The following TRAF3IP1 variants were observed in gnomAD, a reference collection of about 807,000 sequenced individuals.
TRAF3IP1 encodes intraflagellar transport 54, also known as TRAF3-interacting protein 1.
TRAF3IP1 carries 53 observed loss-of-function variants against 89.9 expected under a neutral mutation model. The observed-to-expected ratio is 0.59, with a 90% CI of 0.47 to 0.74. TRAF3IP1 has a LOEUF of 0.74. Among genes scored for constraint, TRAF3IP1 ranks in the 30% least tolerant of loss-of-function variants. The pLI, the probability that TRAF3IP1 is intolerant of heterozygous loss-of-function variation, is 0.00. For synonymous variants in TRAF3IP1, 311 were observed against 322.1 expected (o/e 0.97, Z 0.37); for missense variants, 806 against 866.1 (o/e 0.93, Z 0.87).
At chr2:238,349,453 T>G (rs1559369722) in intron 12 of TRAF3IP1, 45 bp downstream of exon 12, 1 of 1,583,652 alleles carries the variant, frequency 6.3e-7, no homozygotes, top group Admixed American at 1.7e-5. Context: ...CAGTGTGTTC[T>G]CCAGTGGGCA....
At chr2:238,331,537 C>G (rs1698125255) in intron 5 of TRAF3IP1, among the ~76,000 whole-genome samples, 1 of 152,086 alleles carries the variant, frequency 6.6e-6, no homozygotes, top group African/African-American at 2.4e-5. Flanking sequence ...ATATCAGAGC[C>G]AAGTATAATG....
intron 15 of TRAF3IP1, among the ~76,000 whole-genome samples, chr2:238,396,963 C>T (rs995130004): frequency 1.1e-4 from 16 of 152,322 alleles, no homozygotes; most frequent in Non-Finnish European, 1.9e-4. Context: ...GTTTCTGCCT[C>T]TCCTTTGGGT....
chr2:238,386,516 T>G (rs1700780206), intron 15 of TRAF3IP1, among the ~76,000 whole-genome samples: 3 of 152,138 alleles, frequency 2.0e-5, no homozygotes, highest in Admixed American at 6.5e-5. Context: ...TTTCACCATG[T>G]TGACCAGGCT....
At chr2:238,392,763 A>G (rs1391295258) in intron 15 of TRAF3IP1, among the ~76,000 whole-genome samples, 1 of 152,088 alleles carries the variant, frequency 6.6e-6, no homozygotes, top group Non-Finnish European at 1.5e-5. Flanking sequence ...TTTAGTATAG[A>G]TGGGGTTTTG....
rs985242912 is a variant in TRAF3IP1, at chr2:238,329,052, G to C, written c.625G>C (p.Gly209Arg). The C allele has an allele frequency of 1.3e-6, 2 of 1,551,562 alleles. No individual in the cohort carries two copies. ...CAAGGAGAAGGCCAAGGAGAATGGC[G>C]GAAACAGACACAGAGAAGGGGAGAG... ...KDKEKAKENG[G>R]NRHREGERER... is the part of the protein sequence containing the mutation. Residue 209 changes from glycine (G) to arginine (R), a missense_variant, in exon 5 of 17, where the codon GGA becomes CGA. This residue lies in a region of TRAF3IP1 where 732 missense variants were observed against 780.5 expected (regional missense o/e 0.94). Transcript: ENST00000373327.
Position 238,338,470 on chromosome 2 carries a change from T to C in TRAF3IP1, c.1159+13T>C, listed in dbSNP as rs1268056025. ...ACATCAGAAATAGGTAAGAAAAATA[T>C]ATTCTTTAGTTTAAATTCCTCACCA... On this transcript the variant is annotated intron_variant, in intron 8 of 16. Transcript: ENST00000373327. 2.1e-6 allele frequency: 3 copies of C among 1,434,630 alleles called. No homozygotes were observed. The highest frequency in any genetic ancestry group is 2.9e-6 in the Non-Finnish European group (3 of 1,037,550). 88.9% of individuals were successfully genotyped at this position (1,434,630 alleles called of 1,614,324 possible).
chr2:238,329,120 G>A lies in TRAF3IP1; in HGVS notation c.693G>A (p.Gln231=). The A allele has an allele frequency of 1.3e-6, 2 of 1,550,954 alleles. No homozygotes were observed. The highest frequency in any genetic ancestry group is 1.2e-5 in the South Asian group (1 of 84,044). ...GGGCCAGGCCAGACAACGAGCGACA[G>A]AAAGACAGAGGCAACAGGGAGCGGG... ...KARARPDNER[Q]KDRGNRERDR... The change falls in exon 5 of 17, where the codon CAG becomes CAA. Residue 231 remains glutamine (Q), a synonymous_variant. Transcript: ENST00000373327.
chr2:238,346,054 T>G (rs1698879430), intron 9 of TRAF3IP1, among the ~76,000 whole-genome samples: 1 of 152,098 alleles, frequency 6.6e-6, no homozygotes, highest in African/African-American at 2.4e-5. Flanking sequence ...CAGGGTCTGT[T>G]CCTAACACCC....
At chr2:238,385,176 C>T (rs185965252) in intron 15 of TRAF3IP1, among the ~76,000 whole-genome samples, 31 of 152,046 alleles carry the variant, frequency 2.0e-4, no homozygotes, top group African/African-American at 5.1e-4. Context: ...CCACCACGCC[C>T]GGCTAATTTT....
At chr2:238,375,029 T>A (rs1372577492) in intron 15 of TRAF3IP1, among the ~76,000 whole-genome samples, 1 of 152,226 alleles carries the variant, frequency 6.6e-6, no homozygotes, top group Non-Finnish European at 1.5e-5. Context: ...TTTTCTTCTT[T>A]ATTAGTCTTG....
chr2:238,348,760 T>G lies in TRAF3IP1; in HGVS notation c.1283-4T>G. ...GAATTGCTAATTGATTGTCATTTGT[T>G]TAGAAGGAGATGCTGGACCTGCTGG... On this transcript the variant is annotated splice_polypyrimidine_tract_variant and splice_region_variant and intron_variant, in intron 10 of 16. Coordinates refer to ENST00000373327, the MANE Select transcript of TRAF3IP1 (RefSeq NM_015650.4). 1 of 1,613,758 alleles carries G rather than the reference T, an allele frequency of 6.2e-7. No homozygotes were observed.
At chr2:238,381,111 G>GT (rs34082601) in intron 15 of TRAF3IP1, among the ~76,000 whole-genome samples, 30,516 of 136,662 alleles carry the variant, frequency 0.22, 3,843 homozygotes, top group South Asian at 0.29. Context: ...GGATGCTTGG[G>GT]TTTTTTTTTT....
At position 238,345,445 on chromosome 2, in the gene TRAF3IP1, G is replaced by A. The variant is rs191655368; in HGVS notation, c.1261+847G>A. ...TAAACCAAGATCCCGGCTGGGATGC[G>A]ACTGCAGCAGGGCTGGCTCAGCCCA... On this transcript the variant is annotated intron_variant, in intron 9 of 16. Coordinates refer to ENST00000373327, the MANE Select transcript of TRAF3IP1 (RefSeq NM_015650.4). This position sits in a 1 kb window ranked among gnomAD's most constrained non-coding sequence, Gnocchi z 4.7. Among the ~76,000 whole-genome samples the A allele has an allele frequency of 2.0e-5, 3 of 152,220 alleles. No homozygotes were observed. The highest frequency in any genetic ancestry group is 1.9e-4 in the East Asian group (1 of 5,198).
chr2:238,353,799 A>G (rs1699284026), intron 14 of TRAF3IP1, among the ~76,000 whole-genome samples: 1 of 151,766 alleles, frequency 6.6e-6, no homozygotes, highest in Non-Finnish European at 1.5e-5. Flanking sequence ...TTTGAGGCGG[A>G]GTCTTGCCCT....
At chr2:238,322,197 G>C (rs1697584957) in intron 1 of TRAF3IP1, among the ~76,000 whole-genome samples, 1 of 152,270 alleles carries the variant, frequency 6.6e-6, no homozygotes, top group Non-Finnish European at 1.5e-5. Context: ...ACAAGAGCCA[G>C]TGTGAGCCCA....
chr2:238,356,049 A>G lies in TRAF3IP1; in HGVS notation c.1658A>G (p.Lys553Arg), dbSNP rs988109528. 1.2e-6 allele frequency: 2 copies of G among 1,613,892 alleles called. No individual in the cohort carries two copies. Among genetic ancestry groups the G allele is most frequent in the Non-Finnish European group, 1.7e-6 (2 of 1,179,778 alleles). ...KILETKKDYEKLQQSPKPGEK... is the reference protein window; with the variant it reads ...KILETKKDYERLQQSPKPGEK... ...TTGGAGACGAAGAAAGATTATGAGA[A>G]ATTGCAGCAGTCACCCAAACCTGGG... Residue 553 changes from lysine (K) to arginine (R), a missense_variant, in exon 15 of 17, where the codon AAA becomes AGA. Transcript: ENST00000373327.
chr2:238,350,973 G>A (rs1245150067), intron 12 of TRAF3IP1, among the ~76,000 whole-genome samples: 1 of 152,116 alleles, frequency 6.6e-6, no homozygotes, highest in Non-Finnish European at 1.5e-5. Flanking sequence ...AGGAGCCCTC[G>A]GGGTGAAGGT....
chr2:238,342,735 T>C (rs907235725), intron 8 of TRAF3IP1, among the ~76,000 whole-genome samples: 27 of 152,356 alleles, frequency 1.8e-4, no homozygotes, highest in African/African-American at 6.3e-4. Context: ...ATTCTCTGGT[T>C]ACCCTGAGTA....
chr2:238,380,207 G>A (rs751107341), intron 15 of TRAF3IP1, among the ~76,000 whole-genome samples: 1 of 152,188 alleles, frequency 6.6e-6, no homozygotes, highest in Non-Finnish European at 1.5e-5. Context: ...GGCGCTGGGT[G>A]TAAAATTGCT....
Sources: gnomAD v4.1 joint callset for allele counts (sites outside exome capture counted in the v4.1 genomes callset) on GRCh38, gnomAD v4.1.1 for gene constraint, gnomAD v4.1.1 regional missense constraint, Gnocchi (gnomAD v3.1) non-coding constraint, MANE v1.5 for transcripts, NCBI Gene and HGNC (gene_info 2026-07-23, HGNC 2026-07-21) for gene names.